The following DOT1L variants were observed in gnomAD, a reference collection of about 807,000 sequenced individuals.
DOT1L encodes DOT1 like histone lysine methyltransferase.
DOT1L carries 33 observed loss-of-function variants against 153.3 expected under a neutral mutation model. The observed-to-expected ratio is 0.22, with a 90% CI of 0.16 to 0.29. The LOEUF is 0.29. Ranked by LOEUF, DOT1L falls within the 10% of genes least tolerant of loss-of-function variation. The probability of loss-of-function intolerance (pLI) is 1.00; values close to 1 mark genes in which losing one functional copy is unlikely to be tolerated. For synonymous variants in DOT1L, 1,135 were observed against 965.1 expected (o/e 1.18, Z -3.26); for missense variants, 1,847 against 2,119.9 (o/e 0.87, Z 2.53).
rs1206834509 is a variant in DOT1L, at chr19:2,229,840, C to G, written c.*48C>G. The G allele has an allele frequency of 5.6e-6, 9 of 1,612,248 alleles. No homozygotes were observed. Among genetic ancestry groups the G allele is most frequent in the African/African-American group, 1.3e-5 (1 of 74,942 alleles). ...CCTATGCAAGGACGGTGTGGACCAACTCGCGCCCGCGGCATGGTGCCCGCC... is the reference window on the plus strand; with the variant it reads ...CCTATGCAAGGACGGTGTGGACCAAGTCGCGCCCGCGGCATGGTGCCCGCC... On this transcript the variant is annotated 3_prime_UTR_variant, in exon 28 of 28. Coordinates refer to ENST00000398665, the MANE Select transcript of DOT1L (RefSeq NM_032482.3).
Position 2,227,741 on chromosome 19 carries a change from C to T in DOT1L, c.4606+614C>T, listed in dbSNP as rs1015407062. The T allele has an allele frequency of 7.6e-6, 10 of 1,316,792 alleles. 1 individual carries two copies. Among genetic ancestry groups the T allele is most frequent in the Middle Eastern group, 6.4e-4 (2 of 3,130 alleles). The allele number at this position is 1,316,792 out of a possible 1,614,324, so 81.6% of individuals were successfully genotyped here. On this transcript the variant is annotated intron_variant, in intron 27 of 27. Coordinates refer to ENST00000398665, the MANE Select transcript of DOT1L (RefSeq NM_032482.3). ...GTTTTTCTCTCCTATTTGCAGGTGTCTTTAACCACGCGGTGCCCTCCGCCT... is the reference window on the plus strand; with the variant it reads ...GTTTTTCTCTCCTATTTGCAGGTGTTTTTAACCACGCGGTGCCCTCCGCCT...
rs55973680 is a variant in DOT1L, at chr19:2,203,805, G to A, written c.787+1026G>A. Among the ~76,000 whole-genome samples, 298 of 152,322 alleles carry A rather than the reference G, an allele frequency of 2.0e-3. 1 individual carries two copies. Among genetic ancestry groups the A allele is most frequent in the Admixed American group, 4.3e-3 (66 of 15,306 alleles). On this transcript the variant is annotated intron_variant, in intron 9 of 27. Coordinates refer to ENST00000398665, the MANE Select transcript of DOT1L (RefSeq NM_032482.3). ...GTTTGGGGTCTTCCTTGAGGGGATT[G>A]TGCTGCCTGCCTTCCTAGGCTCTCC...
intron 3 of DOT1L, 56 bp downstream of exon 3, chr19:2,185,985 A>G (rs1159670158): frequency 6.6e-7 from 1 of 1,513,426 alleles, no homozygotes; most frequent in Admixed American, 1.7e-5. Flanking sequence ...GCTCTTGGGG[A>G]GGACAGGAGG....
intron 27 of DOT1L, chr19:2,227,903 G>GCCCCCT (rs1599629470): frequency 8.1e-7 from 1 of 1,227,840 alleles, no homozygotes; most frequent in Non-Finnish European, 1.0e-6. Flanking sequence ...AGACCCGGCC[G>GCCCCCT]CCCCCTCCGC....
At position 2,193,081 on chromosome 19, in the gene DOT1L, C is replaced by T. The variant is rs1374460418; in HGVS notation, c.494-608C>T. On this transcript the variant is annotated intron_variant, in intron 5 of 27. Transcript: ENST00000398665. The surrounding 1 kb of genome is among the most constrained non-coding windows in gnomAD (Gnocchi z 5.9). ...CCCCCGGTGTGCGCCGCTGCCTCCA[C>T]CCTCCTGACGCTGGCGTATCTGCAG... Among the ~76,000 whole-genome samples, 1 of 152,106 alleles carries T rather than the reference C, an allele frequency of 6.6e-6. No homozygotes were observed. The highest frequency in any genetic ancestry group is 1.5e-5 in the Non-Finnish European group (1 of 68,016).
intron 1 of DOT1L, among the ~76,000 whole-genome samples, chr19:2,178,755 C>T (rs962608067): frequency 4.6e-5 from 7 of 151,500 alleles, no homozygotes; most frequent in East Asian, 1.9e-4. Flanking sequence ...TTAGTAGAGA[C>T]GGGGTTTCAC....
chr19:2,211,266 G>A, intron 15 of DOT1L, 54 bp downstream of exon 15: 1 of 1,478,814 alleles, frequency 6.8e-7, no homozygotes, highest in Non-Finnish European at 9.2e-7. Flanking sequence ...GTCATCCCAG[G>A]AGGACCGTGG....
chr19:2,216,095 A>G (rs1424781398), intron 19 of DOT1L, 186 bp from the exon 20 acceptor site: 1 of 743,030 alleles, frequency 1.3e-6, no homozygotes, highest in East Asian at 2.8e-5. Context: ...TCGGCCCTCC[A>G]CATGACTTTA....
chr19:2,214,394 G>A (rs966301462), intron 18 of DOT1L, 77 bp from the exon 19 acceptor site: 1 of 1,566,144 alleles, frequency 6.4e-7, no homozygotes, highest in African/African-American at 1.4e-5. Context: ...CAGGCCCAGG[G>A]AACCCTGCCC....
intron 1 of DOT1L, among the ~76,000 whole-genome samples, chr19:2,174,982 GTGTGTGTGTGTGTATA>G (rs1568328477): frequency 1.1e-4 from 12 of 108,076 alleles, no homozygotes; most frequent in African/African-American, 4.4e-4. Flanking sequence ...GTGTGTGTGT[GTGTGTGTGTGTGTATA>G]TATATATTTT....
At position 2,176,680 on chromosome 19, in the gene DOT1L, A is replaced by G. The variant is rs573770736; in HGVS notation, c.82-4033A>G. 2.0e-5 allele frequency among the ~76,000 whole-genome samples: 3 copies of G among 152,338 alleles called. No homozygotes were observed. The East Asian group carries it at 5.8e-4, about 29-fold the overall frequency. Reference sequence around the variant, plus strand: ...GCCGACAGCCCCCTCCAACCTGCGCAGCCTCAGGACACTCAAACCACAGCT... The same window carrying G: ...GCCGACAGCCCCCTCCAACCTGCGCGGCCTCAGGACACTCAAACCACAGCT... On this transcript the variant is annotated intron_variant, in intron 1 of 27. Transcript: ENST00000398665.
intron 27 of DOT1L, chr19:2,227,720 TTC>T: frequency 7.6e-7 from 1 of 1,308,054 alleles, no homozygotes; most frequent in South Asian, 1.2e-5. Flanking sequence ...AGCTGCGTTT[TTC>T]TCTCCTATTT....
At chr19:2,167,080 G>A (rs1294616752) in intron 1 of DOT1L, among the ~76,000 whole-genome samples, 1 of 152,212 alleles carries the variant, frequency 6.6e-6, no homozygotes, top group Non-Finnish European at 1.5e-5. Context: ...GCCACAGATT[G>A]TTGACGTGTT....
At chr19:2,214,410 G>T (rs912955141) in intron 18 of DOT1L, 61 bp from the exon 19 acceptor site, 26 of 1,591,434 alleles carry the variant, frequency 1.6e-5, no homozygotes, top group Non-Finnish European at 2.2e-5. Context: ...TGCCCTGAGA[G>T]TGTGGGGTGT....
intron 4 of DOT1L, 52 bp downstream of exon 4, chr19:2,189,847 C>T: frequency 6.3e-7 from 1 of 1,583,336 alleles, no homozygotes; most frequent in Non-Finnish European, 8.6e-7. Flanking sequence ...GGCTCCCGGA[C>T]CCCTCCAGAC....
intron 24 of DOT1L, 45 bp from the exon 25 acceptor site, chr19:2,223,236 C>T: frequency 6.2e-7 from 1 of 1,601,166 alleles, no homozygotes; most frequent in South Asian, 1.1e-5. Flanking sequence ...GCCTTGGGGT[C>T]CCGGGTCTGT....
At chr19:2,168,654 G>T (rs1051121970) in intron 1 of DOT1L, among the ~76,000 whole-genome samples, 18 of 152,220 alleles carry the variant, frequency 1.2e-4, no homozygotes, top group African/African-American at 4.1e-4. Flanking sequence ...TCGTACTGTT[G>T]CCTGGGCTGG....
rs1182293766 is a variant in DOT1L, at chr19:2,190,419, C to A, written c.265-593C>A. Among the ~76,000 whole-genome samples the A allele has an allele frequency of 3.3e-5, 5 of 152,116 alleles. No homozygotes were observed. The highest frequency in any genetic ancestry group is 1.2e-4 in the African/African-American group (5 of 41,482). The stretch of plus-strand genomic sequence containing the variant: ...TGGGGGTGGCATGGGCTCACTTGGC[C>A]CTCCTGAGTGGGACTGGGCTGGGCT... On this transcript the variant is annotated intron_variant, in intron 4 of 27. Coordinates refer to ENST00000398665, the MANE Select transcript of DOT1L (RefSeq NM_032482.3). The surrounding 1 kb of genome is among the most constrained non-coding windows in gnomAD (Gnocchi z 4.8).
chr19:2,187,583 A>AT (rs1270579756), intron 3 of DOT1L, among the ~76,000 whole-genome samples: 1 of 152,116 alleles, frequency 6.6e-6, no homozygotes, highest in Non-Finnish European at 1.5e-5. Flanking sequence ...TGCAGAGGTG[A>AT]TTTTGGGAAG....
Sources: allele counts gnomAD v4.1 joint callset (sites outside exome capture counted in the v4.1 genomes callset), GRCh38; gene constraint gnomAD v4.1.1; non-coding constraint Gnocchi (gnomAD v3.1); transcripts MANE v1.5; gene names NCBI Gene and HGNC (gene_info 2026-07-23, HGNC 2026-07-21).